PDZRN3: variants seen among roughly 807,000 people sequenced by gnomAD.
PDZRN3 encodes the protein PDZ domain containing ring finger 3, also known as E3 ubiquitin-protein ligase PDZRN3.
In PDZRN3, 38 loss-of-function variants were observed where a neutral mutation model predicts 85.7. That is an observed-to-expected ratio of 0.44 (90% CI 0.34 to 0.58). PDZRN3 has a LOEUF of 0.58. PDZRN3 is among the 20% of genes least tolerant of loss of function. The probability of loss-of-function intolerance (pLI) is 0.01; values close to 1 mark genes in which losing one functional copy is unlikely to be tolerated. For synonymous variants in PDZRN3, 759 were observed against 638.0 expected (o/e 1.19, Z -2.86); for missense variants, 1,629 against 1,506.4 (o/e 1.08, Z -1.35).
chr3:73,617,038 C>T (rs566630748), intron 1 of PDZRN3, among the ~76,000 whole-genome samples: 40 of 152,288 alleles, frequency 2.6e-4, no homozygotes, highest in Middle Eastern at 3.4e-3. Context: ...TCTGATGGGA[C>T]TTCATCCCTC....
At chr3:73,391,858 T>A (rs73838520) in intron 5 of PDZRN3, among the ~76,000 whole-genome samples, 7,624 of 152,164 alleles carry the variant, frequency 0.05, 202 homozygotes, top group African/African-American at 0.081. Context: ...TGCCAATGAC[T>A]TGTGCAAGTT....
intron 5 of PDZRN3, among the ~76,000 whole-genome samples, chr3:73,398,401 CA>C (rs1325796979): frequency 6.6e-6 from 1 of 152,190 alleles, no homozygotes; most frequent in African/African-American, 2.4e-5. Flanking sequence ...GCCTGTAGGT[CA>C]GGGGTCCTCT....
chr3:73,391,182 G>T, intron 5 of PDZRN3, 66 bp from the exon 6 acceptor site: 1 of 951,584 alleles, frequency 1.1e-6, no homozygotes. Flanking sequence ...GATGTCAAAT[G>T]CTTTAAAAAT....
At chr3:73,518,932 G>A (rs139618899) in intron 3 of PDZRN3, among the ~76,000 whole-genome samples, 5 of 152,152 alleles carry the variant, frequency 3.3e-5, no homozygotes, top group South Asian at 2.1e-4. Context: ...TAGCACCTAT[G>A]TAGTGAGGTT....
intron 3 of PDZRN3, among the ~76,000 whole-genome samples, chr3:73,514,187 G>A (rs1308406283): frequency 6.6e-6 from 1 of 152,174 alleles, no homozygotes; most frequent in Non-Finnish European, 1.5e-5. Flanking sequence ...AAAAAAGATT[G>A]AAAAGCTGGG....
chr3:73,550,843 A>G (rs1327779988), intron 3 of PDZRN3, among the ~76,000 whole-genome samples: 1 of 152,248 alleles, frequency 6.6e-6, no homozygotes, highest in Middle Eastern at 3.2e-3. Context: ...AGGAATCAGC[A>G]GATTTGTTGG....
chr3:73,388,277 C>G (rs575724306), intron 7 of PDZRN3: 26 of 417,356 alleles, frequency 6.2e-5, no homozygotes, highest in Non-Finnish European at 9.7e-5. Flanking sequence ...TATAAGGGAG[C>G]CTCCATGAGT....
chr3:73,526,866 G>C (rs1035522954), intron 3 of PDZRN3, among the ~76,000 whole-genome samples: 8 of 149,576 alleles, frequency 5.3e-5, no homozygotes, highest in Admixed American at 4.0e-4. Context: ...TTTTTTTTTT[G>C]AGTTGGAGTT....
At chr3:73,482,606 A>G (rs765230602) in intron 3 of PDZRN3, among the ~76,000 whole-genome samples, 4 of 152,180 alleles carry the variant, frequency 2.6e-5, no homozygotes, top group Non-Finnish European at 5.9e-5. Flanking sequence ...TGTACCCCAA[A>G]GGTGGCAATT....
chr3:73,569,827 T>A (rs1174600326), intron 3 of PDZRN3, among the ~76,000 whole-genome samples: 1 of 152,198 alleles, frequency 6.6e-6, no homozygotes, highest in East Asian at 1.9e-4. Context: ...GATATCTACC[T>A]GCTGTGCCAT....
At chr3:73,520,183 T>C (rs775099053) in intron 3 of PDZRN3, among the ~76,000 whole-genome samples, 1 of 152,016 alleles carries the variant, frequency 6.6e-6, no homozygotes, top group Non-Finnish European at 1.5e-5. Context: ...CTCCTATATA[T>C]CTTTGGGGCT....
chr3:73,605,688 C>A (rs1316246020), intron 2 of PDZRN3, among the ~76,000 whole-genome samples: 1 of 152,192 alleles, frequency 6.6e-6, no homozygotes, highest in Non-Finnish European at 1.5e-5. Context: ...GGCTTTTTAG[C>A]ATGTACTCAA....
In PDZRN3 at chr3:73,405,953, G is replaced by A. The variant is rs2054861; in HGVS notation, c.919-1558C>T. On this transcript the variant is annotated intron_variant, in intron 3 of 9. Transcript: ENST00000263666. ...GACAACAACTCTTAGGCTGAAGTGC[G>A]TTGTAAACAACTGTTGGGTTGAGAA... Among the ~76,000 whole-genome samples the A allele has an allele frequency of 1.3e-3, 205 of 152,258 alleles. 1 individual carries two copies. Among genetic ancestry groups the A allele is most frequent in the East Asian group, 8.1e-3 (42 of 5,182 alleles).
chr3:73,550,601 T>C (rs1366179225), intron 3 of PDZRN3, among the ~76,000 whole-genome samples: 1 of 152,206 alleles, frequency 6.6e-6, no homozygotes, highest in East Asian at 1.9e-4. Flanking sequence ...GCAGCAGACA[T>C]TGCCAATAAC....
At chr3:73,426,068 G>A (rs1702309099) in intron 3 of PDZRN3, among the ~76,000 whole-genome samples, 1 of 152,144 alleles carries the variant, frequency 6.6e-6, no homozygotes, top group Non-Finnish European at 1.5e-5. Flanking sequence ...CTACTGGGAA[G>A]GGAGTATTTG....
At chr3:73,433,830 C>G in intron 3 of PDZRN3, 1 of 1,464,154 alleles carries the variant, frequency 6.8e-7, no homozygotes, top group South Asian at 1.4e-5. Flanking sequence ...GACTGCAACG[C>G]TTCACATTGG....
chr3:73,500,848 C>T (rs1033660190), intron 3 of PDZRN3, among the ~76,000 whole-genome samples: 2 of 152,202 alleles, frequency 1.3e-5, no homozygotes, highest in Non-Finnish European at 2.9e-5. Context: ...CTTCACACAG[C>T]CTAACTGATC....
At chr3:73,533,191 C>T (rs1399047560) in intron 3 of PDZRN3, among the ~76,000 whole-genome samples, 3 of 152,222 alleles carry the variant, frequency 2.0e-5, no homozygotes, top group African/African-American at 7.2e-5. Context: ...AGCAATCTCT[C>T]TTAATTAAGT....
At chr3:73,416,472 G>A (rs919533374) in intron 3 of PDZRN3, among the ~76,000 whole-genome samples, 4 of 151,364 alleles carry the variant, frequency 2.6e-5, no homozygotes, top group Admixed American at 6.6e-5. Flanking sequence ...GCTCTGGATC[G>A]CAAGTCACTG....
Sources: allele counts gnomAD v4.1 joint callset (sites outside exome capture counted in the v4.1 genomes callset), GRCh38; gene constraint gnomAD v4.1.1; transcripts MANE v1.5; gene names NCBI Gene and HGNC (gene_info 2026-07-23, HGNC 2026-07-21).